RP1L1: variants seen among roughly 807,000 people sequenced by gnomAD.
RP1L1 encodes the protein retinitis pigmentosa 1-like 1 protein.
In RP1L1, 27 loss-of-function variants were observed where a neutral mutation model predicts 15.7. That is an observed-to-expected ratio of 1.72 (90% CI 1.27 to 2.38). RP1L1 has a LOEUF of 2.38. Ranked by LOEUF, RP1L1 falls within the 30% of genes most tolerant of loss-of-function variation. The probability of loss-of-function intolerance (pLI) is 0.00; values close to 1 mark genes in which losing one functional copy is unlikely to be tolerated. For synonymous variants in RP1L1, 1,813 were observed against 1,276.7 expected, an observed-to-expected ratio of 1.42 and a Z score of -8.96; for missense variants, 4,798 against 3,075.9, an observed-to-expected ratio of 1.56 and a Z score of -13.24.
At chr8:10,645,114 G>T (rs191812796) in intron 1 of RP1L1, among the ~76,000 whole-genome samples, 2 of 152,078 alleles carry the variant, frequency 1.3e-5, no homozygotes, top group Non-Finnish European at 2.9e-5. Context: ...GTCACTTAAG[G>T]CCAGGAGTTC....
At position 10,645,241 on chromosome 8, in the gene RP1L1, C is replaced by T. The variant is rs1273650639; in HGVS notation, c.-20+9657G>A. Among the ~76,000 whole-genome samples, 6 of 152,218 alleles carry T rather than the reference C, an allele frequency of 3.9e-5. No individual in the cohort carries two copies. The East Asian group carries it at 5.8e-4, about 15-fold the overall frequency. On this transcript the variant is annotated intron_variant, in intron 1 of 3. Coordinates refer to ENST00000382483, the MANE Select transcript of RP1L1 (RefSeq NM_178857.6). ...ACTGGGGAGGCTGAGGCAGGAGGAT[C>T]GCCTGAACCCAGAAGATTGAGGCTT...
intron 2 of RP1L1, among the ~76,000 whole-genome samples, chr8:10,620,620 G>C (rs981440022): frequency 6.6e-6 from 1 of 152,084 alleles, no homozygotes; most frequent in Admixed American, 6.6e-5. Flanking sequence ...AAAAAAGGAA[G>C]ACACAACAGT....
chr8:10,611,511 G>A lies in RP1L1; in HGVS notation c.2587C>T (p.Pro863Ser). ...CPTPPRGRPC[P>S]QRRSSSCGST... ...CCACAGCTGGAAGAGCGCCTCTGGG[G>A]GCAGGGCCGCCCCCTGGGCGGGGTG... is the stretch of plus-strand genomic sequence containing the variant. Residue 863 changes from proline to serine, a missense_variant, in exon 4 of 4, where the codon CCC (proline) becomes TCC (serine). By Grantham distance (74) the Pro-to-Ser change is moderately conservative. Transcript: ENST00000382483. The A allele has an allele frequency of 6.3e-7, 1 of 1,578,960 alleles. No individual in the cohort carries two copies. The highest frequency in any genetic ancestry group is 8.6e-7 in the Non-Finnish European group (1 of 1,164,120).
At chr8:10,645,042 TAGGATTG>T (rs1331236906) in intron 1 of RP1L1, among the ~76,000 whole-genome samples, 1 of 152,204 alleles carries the variant, frequency 6.6e-6, no homozygotes, top group African/African-American at 2.4e-5. Flanking sequence ...TTCTGTAATG[TAGGATTG>T]GGCATGGTGG....
intron 1 of RP1L1, among the ~76,000 whole-genome samples, chr8:10,641,395 G>C (rs1323748175): frequency 1.3e-5 from 2 of 152,206 alleles, no homozygotes; most frequent in Non-Finnish European, 2.9e-5. Flanking sequence ...AGAAATAAAT[G>C]TGTTGGACTA....
At chr8:10,652,342 T>C (rs1337483162) in intron 1 of RP1L1, among the ~76,000 whole-genome samples, 1 of 152,126 alleles carries the variant, frequency 6.6e-6, no homozygotes, top group Non-Finnish European at 1.5e-5. Flanking sequence ...AGGCTGACAA[T>C]ATAGATATCC....
rs199746022 is a variant in RP1L1 at position 10,611,715 on chromosome 8, C to T, written c.2383G>A (p.Glu795Lys). 4.4e-4 allele frequency: 715 copies of T among 1,613,488 alleles called. 2 individuals are homozygous for T. Among genetic ancestry groups the T allele is most frequent in the Non-Finnish European group, 3.7e-4 (431 of 1,179,990 alleles). Residue 795 changes from glutamate (E) to lysine (K), a missense_variant, in exon 4 of 4, where the codon GAG (glutamate) becomes AAG (lysine). Transcript: ENST00000382483. ...GAGGGCTGAGGCGTGTCCCTGGCCT[C>T]TTCCCCCAGGCTGGCAGCCCCAGAT... ...SKSGAASLGE[E>K]ARDTPQPSSP...
At position 10,616,491 on chromosome 8, in the gene RP1L1, T is replaced by G. The variant is rs1394868297; in HGVS notation, c.706A>C (p.Ser236Arg). The G allele has an allele frequency of 1.2e-6, 2 of 1,614,246 alleles. No homozygotes were observed. The highest frequency in any genetic ancestry group is 8.5e-7 in the Non-Finnish European group (1 of 1,180,042). The change falls in exon 3 of 4, where the codon AGC (serine) becomes CGC (arginine). Residue 236 changes from serine to arginine, a missense_variant. Ser to Arg is a moderately radical substitution (Grantham distance 110). Transcript: ENST00000382483. ...AGCCCAGATAAAGTTTCAGCCTCGC[T>G]TCTCCTGGCATTTTTCATGGCTGGG... ...RTPAMKNARR[S>R]EAETLSGLTS... is the part of the protein sequence containing the mutation.
chr8:10,633,372 C>T (rs1458845708), intron 1 of RP1L1, among the ~76,000 whole-genome samples: 1 of 152,230 alleles, frequency 6.6e-6, no homozygotes, highest in Non-Finnish European at 1.5e-5. Flanking sequence ...AAAGGCCAGA[C>T]CCTTAGTTCA....
At chr8:10,618,811 T>C (rs979685957) in intron 2 of RP1L1, among the ~76,000 whole-genome samples, 2 of 152,224 alleles carry the variant, frequency 1.3e-5, no homozygotes, top group East Asian at 3.9e-4. Flanking sequence ...TCTGGTATGC[T>C]TTCCAGTACT....
At chr8:10,617,253 G>A (rs1439321976) in intron 2 of RP1L1, among the ~76,000 whole-genome samples, 2 of 152,096 alleles carry the variant, frequency 1.3e-5, no homozygotes, top group Admixed American at 6.5e-5. Context: ...CCTGGACCGA[G>A]AAGCCCCTGC....
At chr8:10,618,217 C>G (rs920349128) in intron 2 of RP1L1, among the ~76,000 whole-genome samples, 16 of 152,090 alleles carry the variant, frequency 1.1e-4, no homozygotes, top group African/African-American at 3.9e-4. Context: ...TATCAGCTAC[C>G]AGCCAGATGC....
At position 10,607,308 on chromosome 8, in the gene RP1L1, C is replaced by A; in HGVS notation, c.6790G>T (p.Glu2264Ter). 1 of 1,614,192 alleles carries A rather than the reference C, an allele frequency of 6.2e-7. No homozygotes were observed. The highest frequency in any genetic ancestry group is 1.1e-5 in the South Asian group (1 of 91,076). ...ACTGGGCTGCTGCTTTCAGAAGCCT[C>A]CTCAGATTGGCCATCTCCTAGACTG... is the stretch of plus-strand genomic sequence containing the variant. ...QVSLGDGQSE[E>*]ASESSSPVPE... The change falls in exon 4 of 4, where the codon GAG (glutamate) becomes TAG (stop). Residue 2264 changes from glutamate (E) to a stop codon, truncating the protein, a stop_gained. Transcript: ENST00000382483. LOFTEE classifies it low-confidence loss of function (END_TRUNC).
intron 3 of RP1L1, 113 bp from the exon 4 acceptor site, chr8:10,613,459 C>G: frequency 6.9e-7 from 1 of 1,449,582 alleles, no homozygotes; most frequent in Middle Eastern, 1.9e-4. Context: ...AGCATCACCA[C>G]TGCCTCCAAA....
At chr8:10,613,753 G>A (rs1024801220) in intron 3 of RP1L1, among the ~76,000 whole-genome samples, 1 of 151,772 alleles carries the variant, frequency 6.6e-6, no homozygotes, top group African/African-American at 2.4e-5. Context: ...ATGCACCACT[G>A]CGCTCCAGCC....
chr8:10,617,557 T>C (rs1224524194), intron 2 of RP1L1, among the ~76,000 whole-genome samples: 55 of 122,118 alleles, frequency 4.5e-4, no homozygotes, highest in African/African-American at 1.3e-3. Context: ...TTTTTTTTTT[T>C]TTTTTTTTTT....
rs1797832032 is a variant in RP1L1, at chr8:10,610,763, C to T, written c.3335G>A (p.Ser1112Asn). ...EVSRPMARRL[S>N]CSAGALITCL... ...AGTAATGAGGGCCCCGGCTGAGCAGCTGAGCCTCCTGGCCATGGGCCTAGA... is the reference window on the plus strand; with the variant it reads ...AGTAATGAGGGCCCCGGCTGAGCAGTTGAGCCTCCTGGCCATGGGCCTAGA... The change falls in exon 4 of 4, where the codon AGC becomes AAC. Residue 1112 changes from serine to asparagine, a missense_variant. Coordinates refer to ENST00000382483, the MANE Select transcript of RP1L1 (RefSeq NM_178857.6). The T allele has an allele frequency of 1.2e-6, 2 of 1,613,230 alleles. No individual in the cohort carries two copies. Among genetic ancestry groups the T allele is most frequent in the Admixed American group, 3.3e-5 (2 of 60,018 alleles).
intron 1 of RP1L1, among the ~76,000 whole-genome samples, chr8:10,633,698 G>A (rs1189844030): frequency 1.3e-5 from 2 of 152,100 alleles, no homozygotes; most frequent in South Asian, 2.1e-4. Context: ...AACCTCCAGG[G>A]CGTGACTGAA....
Position 10,617,303 on chromosome 8 carries a change from A to C in RP1L1, c.610-716T>G, listed in dbSNP as rs575161882. On this transcript the variant is annotated intron_variant, in intron 2 of 3. Transcript: ENST00000382483. ...GCACTATTGATGGGATTACATTGTA[A>C]TGAGCAATGCTGGGGAATGGGGAAT... Among the ~76,000 whole-genome samples, 9 of 150,872 alleles carry C rather than the reference A, an allele frequency of 6.0e-5. No individual in the cohort carries two copies. In the South Asian group the frequency reaches 1.9e-3, roughly 32 times the overall value.
Sources: allele counts gnomAD v4.1 joint callset (sites outside exome capture counted in the v4.1 genomes callset), GRCh38; gene constraint gnomAD v4.1.1; transcripts MANE v1.5; gene names NCBI Gene and HGNC (gene_info 2026-07-23, HGNC 2026-07-21).